The following THSD7A variants were observed in gnomAD, a reference collection of about 807,000 sequenced individuals.
THSD7A encodes thrombospondin type-1 domain-containing protein 7A.
THSD7A carries 96 observed loss-of-function variants against 231.3 expected under a neutral mutation model. The observed-to-expected ratio is 0.41, with a 90% CI of 0.35 to 0.49. The LOEUF (loss-of-function observed/expected upper bound fraction) is 0.49, where lower values mean the gene tolerates loss of function less well. THSD7A is among the 20% of genes least tolerant of loss of function. The pLI is 0.05. For missense variants in THSD7A, 2,290 were observed against 2,070.2 expected (o/e 1.11, Z -2.06); for synonymous variants, 940 against 743.3 (o/e 1.26, Z -4.30).
rs775740008 is a variant in THSD7A at position 11,407,044 on chromosome 7, G to A, written c.3928C>T (p.Arg1310Ter). 5 of 1,613,426 alleles carry A rather than the reference G, an allele frequency of 3.1e-6. No homozygotes were observed. The highest frequency in any genetic ancestry group is 2.2e-5 in the South Asian group (2 of 91,020). ...QTCGLTGKMIRRRTVTQPFQG... is the reference protein window; with the variant it reads ...QTCGLTGKMI Reference sequence around the variant, plus strand: ...AAGGGCTGGGTCACTGTTCGTCTTCGGATCATTTTTCCTTGAAGAGATACA... The same window carrying A: ...AAGGGCTGGGTCACTGTTCGTCTTCAGATCATTTTTCCTTGAAGAGATACA... The change falls in exon 21 of 28, where the codon CGA (arginine) becomes TGA (stop). Residue 1310 changes from arginine (R) to a stop codon, truncating the protein, a stop_gained. Transcript: ENST00000423059. LOFTEE classifies it high-confidence loss of function.
At chr7:11,524,161 T>G (rs952442441) in intron 6 of THSD7A, among the ~76,000 whole-genome samples, 1 of 152,174 alleles carries the variant, frequency 6.6e-6, no homozygotes, top group Non-Finnish European at 1.5e-5. Flanking sequence ...GTATTTCTTC[T>G]TACATGAATT....
At chr7:11,700,667 CA>C (rs1780563031) in intron 1 of THSD7A, among the ~76,000 whole-genome samples, 1 of 151,122 alleles carries the variant, frequency 6.6e-6, no homozygotes, top group African/African-American at 2.4e-5. Context: ...CTCTCACAAT[CA>C]TGTCTAAAAA....
At chr7:11,484,710 A>C (rs998293739) in intron 6 of THSD7A, among the ~76,000 whole-genome samples, 4 of 151,906 alleles carry the variant, frequency 2.6e-5, no homozygotes, top group African/African-American at 4.8e-5. Context: ...AGGAAATAGA[A>C]TGTTGGTCTA....
intron 6 of THSD7A, among the ~76,000 whole-genome samples, chr7:11,508,326 G>A (rs13230898): frequency 0.57 from 85,914 of 151,926 alleles, 24,621 homozygotes; most frequent in African/African-American, 0.62. Context: ...AAAATGTTCA[G>A]TGTCACTAAT....
intron 4 of THSD7A, among the ~76,000 whole-genome samples, chr7:11,563,366 T>A (rs559923299): frequency 7.9e-4 from 120 of 152,260 alleles, no homozygotes; most frequent in African/African-American, 2.8e-3. Flanking sequence ...GTTTATTTTA[T>A]TTTTTATTTT....
In THSD7A at chr7:11,474,607, C is replaced by T; in HGVS notation, c.2018-39G>A. ...CAATGATAGCAAATTAGATACGGTG[C>T]CAACAGGAACCTTACCATACTCTGT... is the stretch of plus-strand genomic sequence containing the variant. On this transcript the variant is annotated intron_variant, in intron 7 of 27. Transcript: ENST00000423059. This position sits in a 1 kb window ranked among gnomAD's most constrained non-coding sequence, Gnocchi z 4.1. The T allele has an allele frequency of 6.7e-7, 1 of 1,493,108 alleles. No homozygotes were observed. Among genetic ancestry groups the T allele is most frequent in the East Asian group, 2.3e-5 (1 of 43,216 alleles). The allele number at this position is 1,493,108 out of a possible 1,614,324, so 92.5% of individuals were successfully genotyped here.
At chr7:11,733,681 C>T (rs1781812664) in intron 1 of THSD7A, among the ~76,000 whole-genome samples, 1 of 151,714 alleles carries the variant, frequency 6.6e-6, no homozygotes, top group African/African-American at 2.4e-5. Context: ...CTGAGAGCTC[C>T]ACAATGTTGA....
intron 2 of THSD7A, among the ~76,000 whole-genome samples, chr7:11,603,930 A>G (rs1323345102): frequency 6.6e-6 from 1 of 151,086 alleles, no homozygotes; most frequent in Non-Finnish European, 1.5e-5. Context: ...CTAATGCTAG[A>G]TGACGAGTTA....
chr7:11,641,855 G>T (rs1260178051), intron 1 of THSD7A, among the ~76,000 whole-genome samples: 1 of 151,998 alleles, frequency 6.6e-6, no homozygotes, highest in Non-Finnish European at 1.5e-5. Flanking sequence ...TATCGCATGT[G>T]TGTCCAATTA....
chr7:11,496,517 G>A (rs1204388447), intron 6 of THSD7A, among the ~76,000 whole-genome samples: 2 of 152,240 alleles, frequency 1.3e-5, no homozygotes, highest in East Asian at 1.9e-4. Flanking sequence ...TTAGGGCTGA[G>A]ACATCCGTAA....
chr7:11,466,605 C>T (rs769449354), intron 9 of THSD7A, among the ~76,000 whole-genome samples: 4 of 152,136 alleles, frequency 2.6e-5, no homozygotes, highest in Middle Eastern at 3.4e-3. Flanking sequence ...ATCGGAGTGC[C>T]TAGGTTTAGG....
intron 1 of THSD7A, among the ~76,000 whole-genome samples, chr7:11,812,498 G>A (rs1346581677): frequency 3.3e-5 from 5 of 152,114 alleles, no homozygotes; most frequent in Admixed American, 1.3e-4. Flanking sequence ...AAAAGTGAAG[G>A]AAACTGTAAG....
chr7:11,441,495 T>C (rs539062342), intron 13 of THSD7A, among the ~76,000 whole-genome samples: 20 of 152,212 alleles, frequency 1.3e-4, no homozygotes, highest in Non-Finnish European at 2.4e-4. Context: ...CTTTGTTTTG[T>C]AACATTTTGA....
At chr7:11,749,342 C>G (rs753801359) in intron 1 of THSD7A, among the ~76,000 whole-genome samples, 12 of 152,054 alleles carry the variant, frequency 7.9e-5, no homozygotes, top group Non-Finnish European at 1.8e-4. Context: ...GTGCACCCCC[C>G]ACATATCTCC....
chr7:11,402,678 C>T (rs10233249), intron 22 of THSD7A, among the ~76,000 whole-genome samples: 9,806 of 152,186 alleles, frequency 0.064, 680 homozygotes, highest in African/African-American at 0.16. Flanking sequence ...ACAGAACATT[C>T]CCAGGATCTC....
intron 1 of THSD7A, among the ~76,000 whole-genome samples, chr7:11,640,722 G>T (rs915965490): frequency 6.6e-6 from 1 of 151,934 alleles, no homozygotes. Flanking sequence ...ATGATTTTCA[G>T]CTACATATAA....
At chr7:11,748,796 C>T (rs1209778713) in intron 1 of THSD7A, among the ~76,000 whole-genome samples, 7 of 151,734 alleles carry the variant, frequency 4.6e-5, no homozygotes, top group Non-Finnish European at 8.8e-5. Flanking sequence ...TAGTGATATA[C>T]GAATAACAAT....
At chr7:11,520,999 T>C (rs1263593935) in intron 6 of THSD7A, among the ~76,000 whole-genome samples, 1 of 152,218 alleles carries the variant, frequency 6.6e-6, no homozygotes, top group Non-Finnish European at 1.5e-5. Context: ...CTGACTGTGC[T>C]ATTCAAAAAA....
At chr7:11,611,815 C>CT (rs1780933676) in intron 2 of THSD7A, among the ~76,000 whole-genome samples, 2 of 150,180 alleles carry the variant, frequency 1.3e-5, no homozygotes, top group African/African-American at 4.9e-5. Context: ...CACACACACA[C>CT]ACACACACAC....
Sources: gnomAD v4.1 joint callset for allele counts (sites outside exome capture counted in the v4.1 genomes callset) on GRCh38, gnomAD v4.1.1 for gene constraint, Gnocchi (gnomAD v3.1) non-coding constraint, MANE v1.5 for transcripts, NCBI Gene and HGNC (gene_info 2026-07-23, HGNC 2026-07-21) for gene names.